THSD4: variants seen among roughly 807,000 people sequenced by gnomAD.
The protein encoded by THSD4 is thrombospondin type-1 domain-containing protein 4.
In THSD4, 69 loss-of-function variants were observed where a neutral mutation model predicts 119.0. The ratio of observed to expected loss-of-function variants is 0.58; its 90% CI spans 0.48 to 0.71. The LOEUF (loss-of-function observed/expected upper bound fraction) is 0.71, where lower values mean the gene tolerates loss of function less well. Among genes scored for constraint, THSD4 ranks in the 30% least tolerant of loss-of-function variants. THSD4 has a pLI of 0.00. For synonymous variants in THSD4, 524 were observed against 540.4 expected (o/e 0.97, Z 0.42); for missense variants, 1,393 against 1,391.1 (o/e 1.00, Z -0.02).
At chr15:71,193,392 C>A (rs1309029103) in intron 3 of THSD4, among the ~76,000 whole-genome samples, 1 of 152,170 alleles carries the variant, frequency 6.6e-6, no homozygotes, top group Admixed American at 6.5e-5. Context: ...ACGCATTACA[C>A]TGAGATATGA....
chr15:71,501,256 G>C (rs538381628), intron 7 of THSD4, among the ~76,000 whole-genome samples: 2 of 152,050 alleles, frequency 1.3e-5, no homozygotes, highest in Non-Finnish European at 2.9e-5. Context: ...ACACATATTC[G>C]GCACTTTCAG....
At chr15:71,613,610 A>G (rs2050269624) in intron 7 of THSD4, among the ~76,000 whole-genome samples, 1 of 152,216 alleles carries the variant, frequency 6.6e-6, no homozygotes, top group South Asian at 2.1e-4. Context: ...CACCCAAGCA[A>G]AACTAAACTG....
At chr15:71,152,904 A>AG (rs764780299) in intron 2 of THSD4, among the ~76,000 whole-genome samples, 37 of 152,062 alleles carry the variant, frequency 2.4e-4, no homozygotes, top group Admixed American at 9.2e-4. Context: ...ACTTTCTAGG[A>AG]GGGGGGTCAC....
chr15:71,262,679 G>T (rs1475976777), intron 6 of THSD4, among the ~76,000 whole-genome samples: 1 of 152,126 alleles, frequency 6.6e-6, no homozygotes, highest in Non-Finnish European at 1.5e-5. Context: ...CAGAGGGGAG[G>T]CTGAGTCAGA....
chr15:71,500,256 C>A (rs940418466), intron 7 of THSD4, among the ~76,000 whole-genome samples: 5 of 152,088 alleles, frequency 3.3e-5, no homozygotes, highest in Non-Finnish European at 7.4e-5. Flanking sequence ...TTTTCATGCA[C>A]CTATTGGCCA....
chr15:71,714,037 C>T (rs1288993701), intron 8 of THSD4, among the ~76,000 whole-genome samples: 4 of 96,984 alleles, frequency 4.1e-5, no homozygotes, highest in Non-Finnish European at 8.2e-5. Flanking sequence ...TAGTTACTTA[C>T]TGTGTGACTT....
At chr15:71,518,078 G>A (rs1436630137) in intron 7 of THSD4, among the ~76,000 whole-genome samples, 1 of 152,166 alleles carries the variant, frequency 6.6e-6, no homozygotes, top group Non-Finnish European at 1.5e-5. Context: ...GGACCCAAGA[G>A]CCCTCAGAAG....
chr15:71,374,367 C>G (rs2046102584), intron 6 of THSD4, among the ~76,000 whole-genome samples: 1 of 152,224 alleles, frequency 6.6e-6, no homozygotes, highest in South Asian at 2.1e-4. Flanking sequence ...GGAGACAGAG[C>G]TGGATAAGAG....
intron 1 of THSD4, among the ~76,000 whole-genome samples, chr15:71,141,057 T>A (rs2040598681): frequency 6.6e-6 from 1 of 152,272 alleles, no homozygotes; most frequent in African/African-American, 2.4e-5. Context: ...TGTTAGACAA[T>A]ATTTTTACTC....
intron 3 of THSD4, among the ~76,000 whole-genome samples, chr15:71,162,484 T>TA (rs200593990): frequency 1.2e-4 from 18 of 149,564 alleles, no homozygotes; most frequent in South Asian, 2.1e-4. Flanking sequence ...AGGTTTCTGC[T>TA]AAAAAAAAAA....
chr15:71,437,162 G>C (rs1394380653), intron 7 of THSD4, among the ~76,000 whole-genome samples: 1 of 152,182 alleles, frequency 6.6e-6, no homozygotes, highest in Non-Finnish European at 1.5e-5. Context: ...GCAGCAGCGA[G>C]AGAGAAAAGG....
intron 7 of THSD4, among the ~76,000 whole-genome samples, chr15:71,626,176 T>C (rs2050506164): frequency 6.6e-6 from 1 of 152,212 alleles, no homozygotes; most frequent in South Asian, 2.1e-4. Flanking sequence ...GTACAATTTA[T>C]GGTATCTTGT....
intron 13 of THSD4, among the ~76,000 whole-genome samples, chr15:71,747,512 A>G (rs376764906): frequency 9.2e-5 from 14 of 152,356 alleles, no homozygotes; most frequent in African/African-American, 3.4e-4. Context: ...ACAACGTTGG[A>G]CATGTTCCAA....
chr15:71,425,221 A>G (rs2046852954), intron 7 of THSD4, among the ~76,000 whole-genome samples: 1 of 152,188 alleles, frequency 6.6e-6, no homozygotes, highest in African/African-American at 2.4e-5. Context: ...ACAGTCAGAG[A>G]GGTATTATTA....
intron 3 of THSD4, among the ~76,000 whole-genome samples, chr15:71,169,389 C>G (rs2043330125): frequency 6.6e-6 from 1 of 152,110 alleles, no homozygotes; most frequent in East Asian, 1.9e-4. Flanking sequence ...CTAAACATTG[C>G]CCATGCTATG....
intron 7 of THSD4, among the ~76,000 whole-genome samples, chr15:71,642,520 A>G (rs1202342462): frequency 2.6e-5 from 4 of 152,204 alleles, no homozygotes; most frequent in East Asian, 1.9e-4. Context: ...TTGTGGCTCT[A>G]TTCACAATAG....
chr15:71,745,250 C>G lies in THSD4; in HGVS notation c.2036+15C>G. Reference sequence around the variant, plus strand: ...TGCCCAGCCTTGTAAGAAGGCCCCTCCATTTAGGTCGCCTATTACCGGGTC... The same window carrying G: ...TGCCCAGCCTTGTAAGAAGGCCCCTGCATTTAGGTCGCCTATTACCGGGTC... On this transcript the variant is annotated intron_variant, in intron 12 of 17. Transcript: ENST00000261862. 1 of 1,613,396 alleles carries G rather than the reference C, an allele frequency of 6.2e-7. No individual in the cohort carries two copies. The highest frequency in any genetic ancestry group is 8.5e-7 in the Non-Finnish European group (1 of 1,179,690).
intron 7 of THSD4, among the ~76,000 whole-genome samples, chr15:71,581,427 A>G (rs535429004): frequency 6.6e-6 from 1 of 152,260 alleles, no homozygotes; most frequent in Non-Finnish European, 1.5e-5. Flanking sequence ...TATTTTGGAT[A>G]TTATATTCCT....
At chr15:71,488,576 C>T (rs1486617934) in intron 7 of THSD4, among the ~76,000 whole-genome samples, 1 of 151,618 alleles carries the variant, frequency 6.6e-6, no homozygotes, top group African/African-American at 2.4e-5. Context: ...TCTTTTTTTT[C>T]CTTCCATGGA....
Sources: gnomAD v4.1 joint callset for allele counts (sites outside exome capture counted in the v4.1 genomes callset) on GRCh38, gnomAD v4.1.1 for gene constraint, MANE v1.5 for transcripts, NCBI Gene and HGNC (gene_info 2026-07-23, HGNC 2026-07-21) for gene names.